Variants in NRXN3 observed in about 807,000 individuals in gnomAD.
The protein encoded by NRXN3 is neurexin III.
A neutral mutation model predicts 137.6 loss-of-function variants in NRXN3; 32 were observed. That is an observed-to-expected ratio of 0.23 (90% confidence interval 0.18 to 0.31). The LOEUF (loss-of-function observed/expected upper bound fraction) is 0.31, where lower values mean the gene tolerates loss of function less well. Among genes scored for constraint, NRXN3 ranks in the 10% least tolerant of loss-of-function variants. The probability of loss-of-function intolerance (pLI) is 1.00; values close to 1 mark genes in which losing one functional copy is unlikely to be tolerated. For synonymous variants in NRXN3, 798 were observed against 784.5 expected (o/e 1.02, Z -0.29); for missense variants, 1,574 against 2,062.5 (o/e 0.76, Z 4.59).
At chr14:78,412,416 G>GT (rs34215612) in intron 4 of NRXN3, among the ~76,000 whole-genome samples, 5,653 of 152,108 alleles carry the variant, frequency 0.037, 174 homozygotes, top group Admixed American at 0.082. Flanking sequence ...ATTTGGAGGT[G>GT]TTTTTTTACT....
chr14:79,695,449 G>A (rs1034671291), intron 18 of NRXN3, among the ~76,000 whole-genome samples: 3 of 151,908 alleles, frequency 2.0e-5, no homozygotes, highest in African/African-American at 7.2e-5. Flanking sequence ...TGCATGGAAA[G>A]TATCTCTTGG....
chr14:79,669,483 G>T (rs1439592078), intron 17 of NRXN3, among the ~76,000 whole-genome samples: 1 of 152,056 alleles, frequency 6.6e-6, no homozygotes, highest in Non-Finnish European at 1.5e-5. Flanking sequence ...AATGAATTAG[G>T]ATTCACATGT....
chr14:79,425,286 C>T (rs1241821874), intron 15 of NRXN3, among the ~76,000 whole-genome samples: 3 of 152,060 alleles, frequency 2.0e-5, no homozygotes, highest in Non-Finnish European at 2.9e-5. Flanking sequence ...AGGACTAGCT[C>T]GATCACTGGC....
At chr14:78,473,152 C>T (rs2095311751) in intron 4 of NRXN3, among the ~76,000 whole-genome samples, 1 of 152,002 alleles carries the variant, frequency 6.6e-6, no homozygotes, top group Admixed American at 6.6e-5. Context: ...CCTGTAATCC[C>T]AGCACTTTGG....
At chr14:78,576,362 T>C (rs2096935885) in intron 4 of NRXN3, among the ~76,000 whole-genome samples, 1 of 152,174 alleles carries the variant, frequency 6.6e-6, no homozygotes, top group African/African-American at 2.4e-5. Context: ...GGCTTTTTCC[T>C]TAATTTTCAG....
At chr14:79,130,317 C>T (rs2057265299) in intron 15 of NRXN3, among the ~76,000 whole-genome samples, 1 of 152,068 alleles carries the variant, frequency 6.6e-6, no homozygotes, top group Non-Finnish European at 1.5e-5. Flanking sequence ...CGGCTGGTAT[C>T]AGTTGTTCCT....
intron 15 of NRXN3, among the ~76,000 whole-genome samples, chr14:79,456,307 C>T (rs144950908): frequency 6.6e-6 from 1 of 152,276 alleles, no homozygotes; most frequent in Non-Finnish European, 1.5e-5. Context: ...ACTTACTGTG[C>T]CCCTATGTGT....
At chr14:78,685,395 T>C (rs1479618878) in intron 6 of NRXN3, among the ~76,000 whole-genome samples, 1 of 152,112 alleles carries the variant, frequency 6.6e-6, no homozygotes, top group Non-Finnish European at 1.5e-5. Context: ...CTAAAAGGCC[T>C]ATAAGACCTT....
At chr14:79,818,160 TCTC>T (rs1174153465) in intron 20 of NRXN3, among the ~76,000 whole-genome samples, 8 of 148,934 alleles carry the variant, frequency 5.4e-5, no homozygotes, top group African/African-American at 1.5e-4. Context: ...TTCACGCCAT[TCTC>T]CTGCCTCAGC....
intron 4 of NRXN3, among the ~76,000 whole-genome samples, chr14:78,540,598 G>A (rs2096580629): frequency 6.6e-6 from 1 of 151,944 alleles, no homozygotes; most frequent in African/African-American, 2.4e-5. Context: ...TTTTAATTGG[G>A]GGCATTTAGC....
At chr14:78,929,929 C>G (rs532414946) in intron 10 of NRXN3, among the ~76,000 whole-genome samples, 4 of 152,240 alleles carry the variant, frequency 2.6e-5, no homozygotes, top group African/African-American at 9.6e-5. Context: ...TTTTGTGAAG[C>G]TTAGCTGAAA....
chr14:79,651,361 A>G (rs2098474912), intron 16 of NRXN3, among the ~76,000 whole-genome samples: 2 of 152,192 alleles, frequency 1.3e-5, no homozygotes, highest in African/African-American at 4.8e-5. Context: ...AAAAGCAGTA[A>G]ATGAACCATG....
intron 19 of NRXN3, among the ~76,000 whole-genome samples, chr14:79,712,951 G>A (rs1404252539): frequency 6.6e-6 from 1 of 152,080 alleles, no homozygotes. Context: ...AGAAAGGATA[G>A]CTAAAAAGTA....
At position 79,697,681 on chromosome 14, in the gene NRXN3, A is replaced by T. The variant is rs777502073; in HGVS notation, c.3758A>T (p.Lys1253Met). The T allele has an allele frequency of 1.2e-6, 2 of 1,612,856 alleles. No homozygotes were observed. Among genetic ancestry groups the T allele is most frequent in the Admixed American group, 3.3e-5 (2 of 59,898 alleles). The change falls in exon 19 of 21, where the codon AAG becomes ATG. Residue 1253 changes from lysine (K) to methionine (M), a missense_variant. Physicochemically the swap from Lys to Met is moderately conservative, Grantham distance 95 (BLOSUM62 -1). This residue lies in a region of NRXN3 where 133 missense variants were observed against 241.8 expected (regional missense o/e 0.55). Transcript: ENST00000335750. The part of the protein sequence containing the change: ...NTQAQIAIGG[K>M]DKGRLFQGQL... ...CAGGCGCAAATAGCCATTGGTGGAA[A>T]GGACAAAGGACGCCTCTTCCAAGGC...
chr14:79,628,066 T>A (rs2098300958), intron 16 of NRXN3, among the ~76,000 whole-genome samples: 3 of 152,190 alleles, frequency 2.0e-5, no homozygotes, highest in Non-Finnish European at 4.4e-5. Flanking sequence ...AGATAAGTAC[T>A]GAGATTCCGT....
At chr14:79,701,600 C>T (rs1011361821) in intron 19 of NRXN3, among the ~76,000 whole-genome samples, 1 of 152,038 alleles carries the variant, frequency 6.6e-6, no homozygotes, top group Non-Finnish European at 1.5e-5. Flanking sequence ...AGAGAGAGTA[C>T]TTCCAGGGGC....
At chr14:79,772,841 A>G (rs1190293230) in intron 19 of NRXN3, among the ~76,000 whole-genome samples, 7 of 152,338 alleles carry the variant, frequency 4.6e-5, no homozygotes, top group South Asian at 4.1e-4. Flanking sequence ...TGAACAGGCA[A>G]CCTACAAAAT....
chr14:78,886,856 G>A (rs2099145309), intron 10 of NRXN3, among the ~76,000 whole-genome samples: 1 of 152,116 alleles, frequency 6.6e-6, no homozygotes. Flanking sequence ...ATTCTGCACA[G>A]GAAAGACCAC....
chr14:78,418,953 G>C (rs2093299139), intron 4 of NRXN3, among the ~76,000 whole-genome samples: 2 of 152,210 alleles, frequency 1.3e-5, no homozygotes, highest in Non-Finnish European at 2.9e-5. Context: ...TTCTCAAGTT[G>C]TCACTATATT....
Sources: allele counts gnomAD v4.1 joint callset (sites outside exome capture counted in the v4.1 genomes callset), GRCh38; gene constraint gnomAD v4.1.1; regional missense constraint gnomAD v4.1.1; transcripts MANE v1.5; gene names NCBI Gene and HGNC (gene_info 2026-07-23, HGNC 2026-07-21).